Variants in PLB1 observed in about 807,000 individuals in gnomAD.
PLB1 encodes phospholipase B1, also known as phospholipase B1, membrane-associated.
A neutral mutation model predicts 227.4 loss-of-function variants in PLB1; 242 were observed. That is an observed-to-expected ratio of 1.06 (90% CI 0.96 to 1.18). The LOEUF (loss-of-function observed/expected upper bound fraction) is 1.18. PLB1 is among the 50% of genes most tolerant of loss of function. PLB1 has a pLI of 0.00. For missense variants in PLB1, 1,858 were observed against 1,816.3 expected, an observed-to-expected ratio of 1.02 and a Z score of -0.42; for synonymous variants, 757 against 682.2, an observed-to-expected ratio of 1.11 and a Z score of -1.71.
chr2:28,548,337 G>A (rs1377768257), intron 14 of PLB1, among the ~76,000 whole-genome samples: 3 of 152,194 alleles, frequency 2.0e-5, no homozygotes, highest in Non-Finnish European at 4.4e-5. Context: ...TTCCCATACT[G>A]GCTCTCCTGT....
At chr2:28,611,922 C>T (rs1209623299) in intron 43 of PLB1, among the ~76,000 whole-genome samples, 1 of 150,622 alleles carries the variant, frequency 6.6e-6, no homozygotes, top group Non-Finnish European at 1.5e-5. Flanking sequence ...GGGCGGATCA[C>T]CAGGTCAGGA....
In PLB1 at chr2:28,640,910, C is replaced by T. The variant is rs1172994654; in HGVS notation, c.4099-17C>T. ...CCAGCTTTGGAGAGAATCGAGGTGT[C>T]CTTTCTCTCTCTCCAGCTGGAACCA... On this transcript the variant is annotated splice_polypyrimidine_tract_variant and intron_variant, in intron 56 of 57. Coordinates refer to ENST00000327757, the MANE Select transcript of PLB1 (RefSeq NM_153021.5). 22 of 1,610,716 alleles carry T rather than the reference C, an allele frequency of 1.4e-5. No homozygotes were observed. Among genetic ancestry groups the T allele is most frequent in the Non-Finnish European group, 1.8e-5 (21 of 1,177,982 alleles).
At chr2:28,536,276 G>A (rs1451075985) in intron 9 of PLB1, among the ~76,000 whole-genome samples, 2 of 152,228 alleles carry the variant, frequency 1.3e-5, no homozygotes, top group Admixed American at 6.5e-5. Flanking sequence ...CAATGACTCT[G>A]AAGGCAGGTG....
intron 25 of PLB1, among the ~76,000 whole-genome samples, chr2:28,585,279 T>C (rs2148275776): frequency 6.6e-6 from 1 of 152,214 alleles, no homozygotes; most frequent in Non-Finnish European, 1.5e-5. Flanking sequence ...ATTTTTCTTT[T>C]TTTTTTTTTC....
At chr2:28,519,870 C>G in intron 4 of PLB1, 107 bp downstream of exon 4, 1 of 670,540 alleles carries the variant, frequency 1.5e-6, no homozygotes, top group South Asian at 2.2e-5. Flanking sequence ...GAGAGAACAT[C>G]ATGTGAACTA....
rs956910476 is a variant in PLB1, at chr2:28,628,954, C to G, written c.3727-140C>G. The stretch of plus-strand genomic sequence containing the variant: ...CCACTCAAGAAGATTCAGTGAGATA[C>G]TACAAGTTGCATCCCCTCTCTGGGC... On this transcript the variant is annotated intron_variant, in intron 52 of 57. Transcript: ENST00000327757. 10 of 682,812 alleles carry G rather than the reference C, an allele frequency of 1.5e-5. No individual in the cohort carries two copies. The African/African-American group carries it at 1.6e-4, about 11-fold the overall frequency. The allele number at this position is 682,812 out of a possible 1,614,324, so 42.3% of individuals were successfully genotyped here.
intron 44 of PLB1, among the ~76,000 whole-genome samples, chr2:28,616,416 C>T (rs1686203689): frequency 6.6e-6 from 1 of 152,146 alleles, no homozygotes; most frequent in Non-Finnish European, 1.5e-5. Flanking sequence ...GAGGCTTTAC[C>T]TGGGAGCTTT....
chr2:28,563,116 C>T lies in PLB1; in HGVS notation c.1206+17C>T, dbSNP rs1296738126. On this transcript the variant is annotated intron_variant, in intron 18 of 57. Transcript: ENST00000327757. ...TCTCTCACGGTAAGTGACCCTGATGCAGAAGGGGCAGGAGGGGAAAAGATT... is the reference window on the plus strand; with the variant it reads ...TCTCTCACGGTAAGTGACCCTGATGTAGAAGGGGCAGGAGGGGAAAAGATT... 2.5e-6 allele frequency: 4 copies of T among 1,605,474 alleles called. No individual in the cohort carries two copies. The South Asian group carries it at 4.4e-5, about 18-fold the overall frequency.
chr2:28,634,481 A>G (rs1159151571), intron 56 of PLB1, among the ~76,000 whole-genome samples: 1 of 152,080 alleles, frequency 6.6e-6, no homozygotes, highest in Non-Finnish European at 1.5e-5. Flanking sequence ...TCATCAAGGT[A>G]TGGCCTTCCT....
intron 1 of PLB1, among the ~76,000 whole-genome samples, chr2:28,499,992 C>T (rs973367146): frequency 3.3e-5 from 4 of 122,304 alleles, no homozygotes; most frequent in Non-Finnish European, 6.2e-5. Flanking sequence ...TCCAAATTTG[C>T]TAAGAGATTT....
intron 20 of PLB1, among the ~76,000 whole-genome samples, chr2:28,572,124 G>A (rs1020413517): frequency 6.6e-6 from 1 of 152,204 alleles, no homozygotes; most frequent in Non-Finnish European, 1.5e-5. Flanking sequence ...TTTTTCCACA[G>A]AAGATATGCA....
intron 1 of PLB1, among the ~76,000 whole-genome samples, chr2:28,504,518 A>G (rs977587974): frequency 5.3e-5 from 8 of 152,234 alleles, no homozygotes; most frequent in Admixed American, 2.0e-4. Context: ...TGAGGCAGGC[A>G]GATCACTTGA....
At chr2:28,606,629 C>A in intron 43 of PLB1, 62 bp downstream of exon 43, 2 of 1,463,984 alleles carry the variant, frequency 1.4e-6, no homozygotes, top group South Asian at 1.1e-5. Context: ...TCGCCCTACC[C>A]ACTTCGTCCT....
chr2:28,613,877 G>A (rs1685821978), intron 43 of PLB1, among the ~76,000 whole-genome samples, 154 bp from the exon 44 acceptor site: 1 of 152,188 alleles, frequency 6.6e-6, no homozygotes, highest in Non-Finnish European at 1.5e-5. Context: ...CCCTCCGGGG[G>A]AATGAATGAA....
At chr2:28,609,372 T>C (rs1685123971) in intron 43 of PLB1, among the ~76,000 whole-genome samples, 1 of 152,084 alleles carries the variant, frequency 6.6e-6, no homozygotes, top group Admixed American at 6.6e-5. Flanking sequence ...ATTTCTGACC[T>C]TTAAAATACA....
At chr2:28,615,103 G>A (rs1686005242) in intron 44 of PLB1, among the ~76,000 whole-genome samples, 1 of 152,142 alleles carries the variant, frequency 6.6e-6, no homozygotes, top group Non-Finnish European at 1.5e-5. Context: ...ATAATGAGGA[G>A]ACACTTGCTA....
rs2148343111 is a variant in PLB1, at chr2:28,632,826, G to C, written c.4003-118G>C. ...TTTTCCATCAGTATCTGAGCAAGTTGGCAGGAAAGTTGAAAGAATGAAAGG... is the reference window on the plus strand; with the variant it reads ...TTTTCCATCAGTATCTGAGCAAGTTCGCAGGAAAGTTGAAAGAATGAAAGG... On this transcript the variant is annotated intron_variant, in intron 55 of 57. Coordinates refer to ENST00000327757, the MANE Select transcript of PLB1 (RefSeq NM_153021.5). The C allele has an allele frequency of 5.7e-6, 4 of 697,690 alleles. No homozygotes were observed. In the East Asian group the frequency reaches 7.5e-5, roughly 13 times the overall value. The allele number at this position is 697,690 out of a possible 1,614,324, so 43.2% of individuals were successfully genotyped here.
intron 20 of PLB1, among the ~76,000 whole-genome samples, chr2:28,568,232 A>T (rs187362589): frequency 6.6e-6 from 1 of 152,316 alleles, no homozygotes; most frequent in East Asian, 1.9e-4. Context: ...TGCTTTTGTG[A>T]GTGTGATGAA....
At chr2:28,554,098 C>T (rs1452337810) in intron 17 of PLB1, among the ~76,000 whole-genome samples, 1 of 152,164 alleles carries the variant, frequency 6.6e-6, no homozygotes, top group Non-Finnish European at 1.5e-5. Flanking sequence ...GGATGTAGAT[C>T]TTACATATAC....
Sources: gnomAD v4.1 joint callset for allele counts (sites outside exome capture counted in the v4.1 genomes callset) on GRCh38, gnomAD v4.1.1 for gene constraint, MANE v1.5 for transcripts, NCBI Gene and HGNC (gene_info 2026-07-23, HGNC 2026-07-21) for gene names.